STMN3: variants seen among roughly 807,000 people sequenced by gnomAD.
The protein encoded by STMN3 is stathmin-3.
Under a neutral mutation model 23.2 loss-of-function variants are expected in STMN3, and 24 were observed. The observed-to-expected ratio is 1.03, with a 90% CI of 0.75 to 1.45. STMN3 has a LOEUF of 1.45. Ranked by LOEUF, STMN3 falls within the 40% of genes most tolerant of loss-of-function variation. The probability of loss-of-function intolerance (pLI) is 0.00; values close to 1 mark genes in which losing one functional copy is unlikely to be tolerated. For missense variants in STMN3, 235 were observed against 237.6 expected (o/e 0.99, Z 0.07); for synonymous variants, 117 against 103.4 (o/e 1.13, Z -0.80).
At chr20:63,642,680 G>C (rs960348329) in intron 3 of STMN3, among the ~76,000 whole-genome samples, 1 of 152,234 alleles carries the variant, frequency 6.6e-6, no homozygotes, top group African/African-American at 2.4e-5. Flanking sequence ...TCTGAGCTTT[G>C]TCTCTTCCTC....
At chr20:63,644,050 C>T (rs758782392) in intron 2 of STMN3, 119 bp from the exon 3 acceptor site, 23 of 1,429,626 alleles carry the variant, frequency 1.6e-5, no homozygotes, top group Admixed American at 2.2e-5. Context: ...TGGCTGCTCC[C>T]GCAGGAATCC....
chr20:63,653,273 G>A, intron 1 of STMN3, 54 bp downstream of exon 1: 1 of 1,535,062 alleles, frequency 6.5e-7, no homozygotes, highest in South Asian at 1.2e-5. Context: ...GAGGCCAGAC[G>A]AGGCCTCTGC....
In STMN3 at chr20:63,647,948, G is replaced by GTGTGTGTA. The variant is rs1320052757; in HGVS notation, c.20-3640_20-3639insTACACACA. On this transcript the variant is annotated intron_variant, in intron 1 of 4. Coordinates refer to ENST00000370053, the MANE Select transcript of STMN3 (RefSeq NM_015894.4). ...TATATACGTATATATGTGTGTGTGT[G>GTGTGTGTA]TATATATATATGTATATATATATAT... Among the ~76,000 whole-genome samples, 299 of 63,804 alleles carry GTGTGTGTA rather than the reference G, an allele frequency of 4.7e-3. 19 individuals are homozygous for GTGTGTGTA. The highest frequency in any genetic ancestry group is 7.9e-3 in the Non-Finnish European group (233 of 29,602). The allele number at this position is 63,804 out of a possible 152,430, so 41.9% of individuals were successfully genotyped here.
intron 1 of STMN3, among the ~76,000 whole-genome samples, chr20:63,649,013 C>G (rs1297897790): frequency 6.6e-6 from 1 of 152,116 alleles, no homozygotes; most frequent in East Asian, 1.9e-4. Flanking sequence ...CAGGTCTTGG[C>G]TCTGCCCAGG....
chr20:63,651,472 T>C (rs891668789), intron 1 of STMN3, among the ~76,000 whole-genome samples: 18 of 151,308 alleles, frequency 1.2e-4, no homozygotes, highest in Non-Finnish European at 2.2e-4. Context: ...TGCTGCCGGC[T>C]CCCCCCGGGG....
In STMN3 at chr20:63,640,072, T is replaced by C. The variant is rs1302688123; in HGVS notation, c.*1266A>G. 6.5e-6 allele frequency: 1 copy of C among 152,882 alleles called. No homozygotes were observed. The highest frequency in any genetic ancestry group is 1.5e-5 in the Non-Finnish European group (1 of 68,236). 9.5% of individuals were successfully genotyped at this position (152,882 alleles called of 1,614,324 possible). A position where few individuals can be genotyped will look rare whatever the true frequency, so the allele number is the denominator to read the frequency against. On this transcript the variant is annotated 3_prime_UTR_variant, in exon 5 of 5. Coordinates refer to ENST00000370053, the MANE Select transcript of STMN3 (RefSeq NM_015894.4). The stretch of plus-strand genomic sequence containing the variant: ...TGCCCGGCCAAGGCCTCCCGCAGGA[T>C]GGAAGTTGAGGGCCCTGGCTCTGGG...
At chr20:63,643,698 TC>T in intron 3 of STMN3, 57 bp downstream of exon 3, 1 of 1,477,040 alleles carries the variant, frequency 6.8e-7, no homozygotes. Context: ...GCAGGCCCTG[TC>T]CCCGTGGGCC....
chr20:63,640,562 G>GGGAGGGGCGGCGGGGCCGTCCCAC lies in STMN3; in HGVS notation c.*775_*776insGTGGGACGGCCCCGCCGCCCCTCC. 1 of 39,810 alleles carries GGGAGGGGCGGCGGGGCCGTCCCAC rather than the reference G, an allele frequency of 2.5e-5. No individual in the cohort carries two copies. The highest frequency in any genetic ancestry group is 2.9e-4 in the East Asian group (1 of 3,456). The allele number at this position is 39,810 out of a possible 1,614,324, so 2.5% of individuals were successfully genotyped here. On this transcript the variant is annotated 3_prime_UTR_variant, in exon 5 of 5. Coordinates refer to ENST00000370053, the MANE Select transcript of STMN3 (RefSeq NM_015894.4). ...CAAGGACATCTGCAAAGCCCTGGTG[G>GGGAGGGGCGGCGGGGCCGTCCCAC]GGAGGGGCCTGGGCCAGAGGCTCTT... is the stretch of plus-strand genomic sequence containing the variant.
chr20:63,650,628 T>C (rs2089851001), intron 1 of STMN3, among the ~76,000 whole-genome samples: 1 of 113,060 alleles, frequency 8.8e-6, no homozygotes, highest in African/African-American at 3.5e-5. Context: ...CCCGGGTGGA[T>C]GGTGCCCGCT....
intron 2 of STMN3, 95 bp from the exon 3 acceptor site, chr20:63,644,026 TG>T: frequency 6.6e-7 from 1 of 1,523,150 alleles, no homozygotes; most frequent in Admixed American, 2.1e-5. Context: ...ACCCCAGGGC[TG>T]GGCGAGAGGG....
intron 2 of STMN3, 124 bp downstream of exon 2, chr20:63,644,089 TC>T: frequency 7.6e-7 from 1 of 1,316,178 alleles, no homozygotes; most frequent in Non-Finnish European, 1.0e-6. Context: ...ATGGGCCCCT[TC>T]CCCCTAGAAC....
rs748684575 is a variant in STMN3 at position 63,644,242 on chromosome 20, C to T, written c.87G>A (p.Pro29=). 28 of 1,613,202 alleles carry T rather than the reference C, an allele frequency of 1.7e-5. No homozygotes were observed. The highest frequency in any genetic ancestry group is 1.6e-4 in the Middle Eastern group (1 of 6,082). The change falls in exon 2 of 5, where the codon CCG becomes CCA. Residue 29 remains proline (P), a synonymous_variant. Coordinates refer to ENST00000370053, the MANE Select transcript of STMN3 (RefSeq NM_015894.4). ...CGTACTGGTAGACGGTATTGGGGTG[C>T]GGCTGTGTGTAGAAGCAGGAGCAGA... ...SLICSCFYTQ[P]HPNTVYQYGD... is the part of the protein sequence containing the mutation.
chr20:63,641,185 A>G lies in STMN3; in HGVS notation c.*153T>C. Reference sequence around the variant, plus strand: ...GTGGTCAGCGACTCACCACGAGGACAGGGCAGGGCGGCTGAGTGCGGAAGA... The same window carrying G: ...GTGGTCAGCGACTCACCACGAGGACGGGGCAGGGCGGCTGAGTGCGGAAGA... On this transcript the variant is annotated 3_prime_UTR_variant, in exon 5 of 5. Coordinates refer to ENST00000370053, the MANE Select transcript of STMN3 (RefSeq NM_015894.4). 1.4e-6 allele frequency: 1 copy of G among 721,358 alleles called. No homozygotes were observed. The allele number at this position is 721,358 out of a possible 1,614,324, so 44.7% of individuals were successfully genotyped here.
chr20:63,651,470 G>GCC (rs778934138), intron 1 of STMN3, among the ~76,000 whole-genome samples: 18 of 152,080 alleles, frequency 1.2e-4, no homozygotes, highest in Non-Finnish European at 2.2e-4. Context: ...GCTGCTGCCG[G>GCC]CTCCCCCCGG....
intron 1 of STMN3, 57 bp downstream of exon 1, chr20:63,653,270 G>T: frequency 2.6e-6 from 4 of 1,533,742 alleles, no homozygotes; most frequent in Non-Finnish European, 3.5e-6. Flanking sequence ...GGCGAGGCCA[G>T]ACGAGGCCTC....
Position 63,647,977 on chromosome 20 carries a change from TATAC to T in STMN3, c.20-3672_20-3669del, listed in dbSNP as rs1360910251. 5.1e-3 allele frequency among the ~76,000 whole-genome samples: 400 copies of T among 77,850 alleles called. 35 individuals are homozygous for T. Among genetic ancestry groups the T allele is most frequent in the African/African-American group, 8.5e-3 (145 of 17,108 alleles). The allele number at this position is 77,850 out of a possible 152,430, so 51.1% of individuals were successfully genotyped here. A position where few individuals can be genotyped will look rare whatever the true frequency, so the allele number is the denominator to read the frequency against. ...ATATATATGTATATATATATATATA[TATAC>T]ATATATATATACAGAGAGAGAGAGA... On this transcript the variant is annotated intron_variant, in intron 1 of 4. Coordinates refer to ENST00000370053, the MANE Select transcript of STMN3 (RefSeq NM_015894.4).
Position 63,652,644 on chromosome 20 carries a change from G to A in STMN3, c.19+683C>T. 1 of 985,556 alleles carries A rather than the reference G, an allele frequency of 1.0e-6. No homozygotes were observed. Among genetic ancestry groups the A allele is most frequent in the Non-Finnish European group, 1.2e-6 (1 of 830,024 alleles). The allele number at this position is 985,556 out of a possible 1,614,324, so 61.1% of individuals were successfully genotyped here. ...GGGCGGAGCCCTCTGGTCTCCGGAG[G>A]GTTTGGGGATCGCAGTCGCCCCTCC... On this transcript the variant is annotated intron_variant, in intron 1 of 4. Transcript: ENST00000370053. This position sits in a 1 kb window ranked among gnomAD's most constrained non-coding sequence, Gnocchi z 5.3.
rs1352775060 is a variant in STMN3, at chr20:63,652,254, G to C, written c.19+1073C>G. Reference sequence around the variant, plus strand: ...CAAGGCGCCCGAGTTGAACCAGTCAGCTCGGGAGAGGGACCGCGGCGACCT... The same window carrying C: ...CAAGGCGCCCGAGTTGAACCAGTCACCTCGGGAGAGGGACCGCGGCGACCT... On this transcript the variant is annotated intron_variant, in intron 1 of 4. Transcript: ENST00000370053. The surrounding 1 kb of genome is among the most constrained non-coding windows in gnomAD (Gnocchi z 5.3). 1 of 152,248 alleles carries C rather than the reference G, an allele frequency of 6.6e-6. No homozygotes were observed. Among genetic ancestry groups the C allele is most frequent in the Non-Finnish European group, 1.5e-5 (1 of 68,094 alleles). The allele number at this position is 152,248 out of a possible 1,614,324, so 9.4% of individuals were successfully genotyped here.
At chr20:63,643,968 G>C in intron 2 of STMN3, 37 bp from the exon 3 acceptor site, 2 of 1,582,774 alleles carry the variant, frequency 1.3e-6, no homozygotes. Flanking sequence ...TCAGAGGCCC[G>C]GCCAGGGCAT....
Sources: gnomAD v4.1 joint callset for allele counts (sites outside exome capture counted in the v4.1 genomes callset) on GRCh38, gnomAD v4.1.1 for gene constraint, Gnocchi (gnomAD v3.1) non-coding constraint, MANE v1.5 for transcripts, NCBI Gene and HGNC (gene_info 2026-07-23, HGNC 2026-07-21) for gene names.